Variants in PPP1R1B observed in about 807,000 individuals in gnomAD.
The protein encoded by PPP1R1B is protein phosphatase 1 regulatory inhibitor subunit 1B.
A neutral mutation model predicts 28.2 loss-of-function variants in PPP1R1B; 13 were observed. The observed-to-expected ratio is 0.46, with a 90% CI of 0.30 to 0.73. The LOEUF (loss-of-function observed/expected upper bound fraction) is 0.73, where lower values mean the gene tolerates loss of function less well. PPP1R1B is among the 30% of genes least tolerant of loss of function. PPP1R1B has a pLI of 0.07. For missense variants in PPP1R1B, 236 were observed against 256.7 expected (o/e 0.92, Z 0.55); for synonymous variants, 102 against 97.5 (o/e 1.05, Z -0.27).
chr17:39,627,662 C>T (rs1169344528), intron 1 of PPP1R1B, among the ~76,000 whole-genome samples, 189 bp downstream of exon 1: 2 of 152,116 alleles, frequency 1.3e-5, no homozygotes, highest in South Asian at 2.1e-4. Context: ...CAACTTTTCC[C>T]CGCGGCTTTG....
intron 1 of PPP1R1B, 41 bp downstream of exon 1, chr17:39,627,514 A>G: frequency 7.8e-7 from 1 of 1,289,094 alleles, no homozygotes; most frequent in South Asian, 1.4e-5. Flanking sequence ...TACCCGACAC[A>G]CCCCGCGGGG....
In PPP1R1B at chr17:39,630,059, C is replaced by A; in HGVS notation, c.241+12C>A. 1 of 1,613,498 alleles carries A rather than the reference C, an allele frequency of 6.2e-7. No individual in the cohort carries two copies. The highest frequency in any genetic ancestry group is 8.5e-7 in the Non-Finnish European group (1 of 1,179,474). On this transcript the variant is annotated intron_variant, in intron 4 of 6. Coordinates refer to ENST00000254079, the MANE Select transcript of PPP1R1B (RefSeq NM_032192.4). ...ACCTTCGCTGAAAGGTACTATACCC[C>A]CACCGACCTTCCTGGCTGTCCGCCT...
At chr17:39,629,477 C>G (rs1255611631) in intron 2 of PPP1R1B, 63 bp from the exon 3 acceptor site, 2 of 1,598,258 alleles carry the variant, frequency 1.3e-6, no homozygotes, top group Non-Finnish European at 1.7e-6. Flanking sequence ...CTTTCTCTCT[C>G]TCCCTCTTCT....
rs2056861005 is a variant in PPP1R1B, at chr17:39,629,568, T to C, written c.165+6T>C. The C allele has an allele frequency of 6.2e-7, 1 of 1,613,468 alleles. No homozygotes were observed. The highest frequency in any genetic ancestry group is 1.7e-5 in the Admixed American group (1 of 59,974). ...AGGAAGCCTCCCCCCACCAGGTGAG[T>C]TTCCTGGGGCAGCTGGAAGGAGGGA... On this transcript the variant is annotated splice_donor_region_variant and intron_variant, in intron 3 of 6. Coordinates refer to ENST00000254079, the MANE Select transcript of PPP1R1B (RefSeq NM_032192.4).
rs753821657 is a variant in PPP1R1B at position 39,629,282 on chromosome 17, T to C, written c.142+52T>C. Reference sequence around the variant, plus strand: ...CTGGCCCCACCCTAGCTCTGATGCCTTCCTAGGGGCCCTGCCAAAGTCCCA... The same window carrying C: ...CTGGCCCCACCCTAGCTCTGATGCCCTCCTAGGGGCCCTGCCAAAGTCCCA... On this transcript the variant is annotated intron_variant, in intron 2 of 6. Transcript: ENST00000254079. 1.9e-6 allele frequency: 3 copies of C among 1,559,436 alleles called. No homozygotes were observed. The Admixed American group carries it at 5.0e-5, about 26-fold the overall frequency.
At chr17:39,635,779 G>C in intron 6 of PPP1R1B, 37 bp from the exon 7 acceptor site, 4 of 1,612,654 alleles carry the variant, frequency 2.5e-6, no homozygotes, top group Non-Finnish European at 3.4e-6. Flanking sequence ...TTGGTGGGTG[G>C]GGCCAGGCCC....
chr17:39,628,272 G>C (rs1039322643), intron 1 of PPP1R1B, among the ~76,000 whole-genome samples: 3 of 151,898 alleles, frequency 2.0e-5, no homozygotes, highest in Non-Finnish European at 4.4e-5. Flanking sequence ...TAGAGGGCAG[G>C]GGGTACAGTC....
Position 39,636,015 on chromosome 17 carries a change from G to C in PPP1R1B, c.*150G>C, listed in dbSNP as rs538073489. The stretch of plus-strand genomic sequence containing the variant: ...AGAAGACTAAGGCTGGTCTGTGTTT[G>C]CTTGTTTGCCCACCTTTGGCTGATA... On this transcript the variant is annotated 3_prime_UTR_variant, in exon 7 of 7. Coordinates refer to ENST00000254079, the MANE Select transcript of PPP1R1B (RefSeq NM_032192.4). 14 of 917,174 alleles carry C rather than the reference G, an allele frequency of 1.5e-5. No individual in the cohort carries two copies. In the Admixed American group the frequency reaches 3.4e-4, roughly 22 times the overall value. The allele number at this position is 917,174 out of a possible 1,614,324, so 56.8% of individuals were successfully genotyped here.
At chr17:39,634,748 A>G (rs895625262) in intron 5 of PPP1R1B, among the ~76,000 whole-genome samples, 4 of 152,230 alleles carry the variant, frequency 2.6e-5, no homozygotes, top group Non-Finnish European at 5.9e-5. Flanking sequence ...CTGCCTGCAT[A>G]TCTGGCAGTG....
At chr17:39,630,712 C>T (rs2056870705) in intron 4 of PPP1R1B, among the ~76,000 whole-genome samples, 3 of 152,050 alleles carry the variant, frequency 2.0e-5, no homozygotes, top group African/African-American at 7.2e-5. Flanking sequence ...CTGCTTGAGC[C>T]TAGGAGTTCG....
In PPP1R1B at chr17:39,633,951, G is replaced by A; in HGVS notation, c.310G>A (p.Glu104Lys). 6.2e-7 allele frequency: 1 copy of A among 1,613,970 alleles called. No individual in the cohort carries two copies. Among genetic ancestry groups the A allele is most frequent in the Non-Finnish European group, 8.5e-7 (1 of 1,179,908 alleles). ...TTTGAATGAGAACCAGGCCTCAGAG[G>A]AGGAGGATGAGCTGGGGGAGCTTCG... ...SNLNENQASE[E>K]EDELGELREL... Residue 104 changes from glutamate to lysine, a missense_variant, in exon 5 of 7, where the codon GAG (glutamate) becomes AAG (lysine). By Grantham distance (56) the Glu-to-Lys change is moderately conservative. Coordinates refer to ENST00000254079, the MANE Select transcript of PPP1R1B (RefSeq NM_032192.4).
intron 1 of PPP1R1B, chr17:39,628,491 G>C: frequency 1.0e-6 from 1 of 985,538 alleles, no homozygotes; most frequent in Non-Finnish European, 1.2e-6. Flanking sequence ...GTAGCAAGGA[G>C]GGCAACTTTT....
intron 3 of PPP1R1B, 162 bp from the exon 4 acceptor site, chr17:39,629,810 C>A (rs2056862910): frequency 2.3e-6 from 2 of 866,600 alleles, no homozygotes; most frequent in Non-Finnish European, 3.6e-6. Flanking sequence ...TTATGGGGGG[C>A]CCCCCCTAAA....
Position 39,630,051 on chromosome 17 carries a change from C to G in PPP1R1B, c.241+4C>G, listed in dbSNP as rs373772564. On this transcript the variant is annotated splice_donor_region_variant and intron_variant, in intron 4 of 6. Coordinates refer to ENST00000254079, the MANE Select transcript of PPP1R1B (RefSeq NM_032192.4). ...TACACACCACCTTCGCTGAAAGGTACTATACCCCCACCGACCTTCCTGGCT... is the reference window on the plus strand; with the variant it reads ...TACACACCACCTTCGCTGAAAGGTAGTATACCCCCACCGACCTTCCTGGCT... 1.9e-6 allele frequency: 3 copies of G among 1,613,822 alleles called. No homozygotes were observed. Among genetic ancestry groups the G allele is most frequent in the East Asian group, 2.2e-5 (1 of 44,884 alleles).
chr17:39,630,791 C>T (rs756692094), intron 4 of PPP1R1B, among the ~76,000 whole-genome samples: 2 of 152,148 alleles, frequency 1.3e-5, no homozygotes, highest in Admixed American at 6.5e-5. Flanking sequence ...CTAAGCGGGC[C>T]GGGCGCAGTG....
rs1277185442 is a variant in PPP1R1B at position 39,635,867 on chromosome 17, C to G, written c.*2C>G. 1.2e-6 allele frequency: 2 copies of G among 1,612,510 alleles called. No individual in the cohort carries two copies. The highest frequency in any genetic ancestry group is 3.3e-5 in the Admixed American group (2 of 59,978). ...TCCCCCTCTGAGCCTGGCACATAGG[C>G]ACCCAGCCTGCATCTCCCAGGAGGA... On this transcript the variant is annotated 3_prime_UTR_variant, in exon 7 of 7. Coordinates refer to ENST00000254079, the MANE Select transcript of PPP1R1B (RefSeq NM_032192.4).
intron 1 of PPP1R1B, 50 bp downstream of exon 1, chr17:39,627,523 G>T: frequency 8.2e-7 from 1 of 1,219,564 alleles, no homozygotes; most frequent in Non-Finnish European, 1.1e-6. Context: ...CACCCCGCGG[G>T]GCTTCTTCGC....
intron 5 of PPP1R1B, 62 bp from the exon 6 acceptor site, chr17:39,635,545 C>T: frequency 6.3e-7 from 1 of 1,579,418 alleles, no homozygotes; most frequent in Non-Finnish European, 8.6e-7. Flanking sequence ...TTAGCTCACA[C>T]TCCAGGACAG....
Position 39,636,092 on chromosome 17 carries a change from C to G in PPP1R1B, c.*227C>G. 1 of 572,082 alleles carries G rather than the reference C, an allele frequency of 1.7e-6. No individual in the cohort carries two copies. The highest frequency in any genetic ancestry group is 3.1e-6 in the Non-Finnish European group (1 of 320,208). The allele number at this position is 572,082 out of a possible 1,614,324, so 35.4% of individuals were successfully genotyped here. ...TGATGCCCACCCCTGCCAGTCATTC[C>G]TCCATTCACCCAGCGGGAGGTGGGA... On this transcript the variant is annotated 3_prime_UTR_variant, in exon 7 of 7. Transcript: ENST00000254079.
Sources: gnomAD v4.1 joint callset for allele counts (sites outside exome capture counted in the v4.1 genomes callset) on GRCh38, gnomAD v4.1.1 for gene constraint, MANE v1.5 for transcripts, NCBI Gene and HGNC (gene_info 2026-07-23, HGNC 2026-07-21) for gene names.